PAPPA: variants seen among roughly 807,000 people sequenced by gnomAD.
The protein encoded by PAPPA is pappalysin-1.
A neutral mutation model predicts 164.0 loss-of-function variants in PAPPA; 60 were observed. The ratio of observed to expected loss-of-function variants is 0.37; its 90% CI spans 0.30 to 0.45. PAPPA has a LOEUF of 0.45. Among genes scored for constraint, PAPPA ranks in the 20% least tolerant of loss-of-function variants. The pLI, the probability that PAPPA is intolerant of heterozygous loss-of-function variation, is 1.00. For synonymous variants in PAPPA, 875 were observed against 814.1 expected (o/e 1.07, Z -1.27); for missense variants, 1,782 against 2,087.3 (o/e 0.85, Z 2.85).
chr9:116,188,743 G>T (rs920605707), intron 2 of PAPPA, among the ~76,000 whole-genome samples: 1 of 152,130 alleles, frequency 6.6e-6, no homozygotes. Flanking sequence ...TGGTGGACAG[G>T]CTCAAAGAGG....
intron 1 of PAPPA, among the ~76,000 whole-genome samples, chr9:116,164,154 G>T (rs1020602731): frequency 6.6e-6 from 1 of 152,128 alleles, no homozygotes; most frequent in Non-Finnish European, 1.5e-5. Context: ...ATTTTAATCA[G>T]ATAACTCAGT....
At chr9:116,194,708 A>G (rs779130590) in intron 2 of PAPPA, among the ~76,000 whole-genome samples, 8 of 152,142 alleles carry the variant, frequency 5.3e-5, no homozygotes, top group Non-Finnish European at 1.0e-4. Flanking sequence ...GACACCTGGT[A>G]TGGTACAGTG....
chr9:116,322,937 G>A (rs566378929), intron 10 of PAPPA, among the ~76,000 whole-genome samples: 27 of 152,224 alleles, frequency 1.8e-4, no homozygotes, highest in African/African-American at 6.0e-4. Context: ...GGTGGAAAAA[G>A]GAAATTGGAG....
At position 116,392,517 on chromosome 9, in the gene PAPPA, A is replaced by G. The variant is rs141817548; in HGVS notation, c.4777-3992A>G. ...ATGTGGAAGGCCCTTTGGAATCACTAGTGTGTGTACAATGGTATTCACCGC... is the reference window on the plus strand; with the variant it reads ...ATGTGGAAGGCCCTTTGGAATCACTGGTGTGTGTACAATGGTATTCACCGC... On this transcript the variant is annotated intron_variant, in intron 21 of 21. Transcript: ENST00000328252. Among the ~76,000 whole-genome samples, 336 of 152,072 alleles carry G rather than the reference A, an allele frequency of 2.2e-3. 2 individuals carry two copies. Among genetic ancestry groups the G allele is most frequent in the African/African-American group, 7.6e-3 (316 of 41,592 alleles).
intron 7 of PAPPA, among the ~76,000 whole-genome samples, chr9:116,260,542 C>G (rs758953468): frequency 6.6e-6 from 1 of 152,168 alleles, no homozygotes; most frequent in Non-Finnish European, 1.5e-5. Context: ...GTGGTCCCAT[C>G]TTACATCTTC....
At chr9:116,323,156 A>G (rs886277380) in intron 10 of PAPPA, among the ~76,000 whole-genome samples, 1 of 152,142 alleles carries the variant, frequency 6.6e-6, no homozygotes, top group Non-Finnish European at 1.5e-5. Flanking sequence ...ATTTAAAAAA[A>G]CCCTTTGAAA....
At position 116,345,454 on chromosome 9, in the gene PAPPA, C is replaced by G. The variant is rs911205861; in HGVS notation, c.3780+743C>G. On this transcript the variant is annotated intron_variant, in intron 14 of 21. Transcript: ENST00000328252. ...TTGATGAGAAAAAAAAAAAAAAAAA[C>G]ATGCCACAGATTTTTTTGTTTGTTT... Among the ~76,000 whole-genome samples the G allele has an allele frequency of 8.2e-4, 113 of 137,022 alleles. 1 individual carries two copies. Among genetic ancestry groups the G allele is most frequent in the African/African-American group, 3.0e-3 (109 of 36,672 alleles). 89.9% of individuals were successfully genotyped at this position (137,022 alleles called of 152,430 possible).
intron 13 of PAPPA, among the ~76,000 whole-genome samples, chr9:116,342,814 G>A (rs1189409166): frequency 6.6e-6 from 1 of 152,146 alleles, no homozygotes; most frequent in Non-Finnish European, 1.5e-5. Flanking sequence ...GTTGGGGGTA[G>A]ACACAGTCAG....
chr9:116,377,690 C>T (rs755802995), intron 20 of PAPPA, 43 bp downstream of exon 20: 4 of 1,379,152 alleles, frequency 2.9e-6, no homozygotes, highest in African/African-American at 2.8e-5. Context: ...TGGAAATAAT[C>T]CTGCTGTTGT....
In PAPPA at chr9:116,218,508, C is replaced by T. The variant is rs977324034; in HGVS notation, c.1919-1429C>T. ...AATTAAGCCAAAACAGTGCATTGCC[C>T]TGTCCCTAGGGCAGTTGAATAAAAC... On this transcript the variant is annotated intron_variant, in intron 4 of 21. Coordinates refer to ENST00000328252, the MANE Select transcript of PAPPA (RefSeq NM_002581.5). Among the ~76,000 whole-genome samples the T allele has an allele frequency of 8.5e-5, 13 of 152,218 alleles. No homozygotes were observed. The East Asian group carries it at 2.5e-3, about 30-fold the overall frequency.
chr9:116,302,629 G>T, intron 9 of PAPPA, 128 bp from the exon 10 acceptor site: 1 of 642,118 alleles, frequency 1.6e-6, no homozygotes. Flanking sequence ...ATAGTCCATC[G>T]TGACTAATGT....
intron 3 of PAPPA, among the ~76,000 whole-genome samples, chr9:116,208,378 T>C (rs1418099248): frequency 6.6e-6 from 1 of 152,224 alleles, no homozygotes; most frequent in African/African-American, 2.4e-5. Flanking sequence ...TCTACTTTTT[T>C]TTCCATGTCG....
chr9:116,261,152 A>G (rs1164819488), intron 7 of PAPPA, among the ~76,000 whole-genome samples: 2 of 152,238 alleles, frequency 1.3e-5, no homozygotes, highest in Non-Finnish European at 2.9e-5. Context: ...GACTGTAAAT[A>G]CAAAATATGA....
At chr9:116,373,959 G>A (rs1011374926) in intron 19 of PAPPA, among the ~76,000 whole-genome samples, 1 of 152,074 alleles carries the variant, frequency 6.6e-6, no homozygotes, top group African/African-American at 2.4e-5. Flanking sequence ...TCTGAGCCCA[G>A]GGCTTAGAGC....
At chr9:116,324,900 C>G (rs1845902840) in intron 10 of PAPPA, among the ~76,000 whole-genome samples, 1 of 152,194 alleles carries the variant, frequency 6.6e-6, no homozygotes, top group Non-Finnish European at 1.5e-5. Flanking sequence ...CTGAAACCAG[C>G]TCCTGAAAAC....
intron 7 of PAPPA, among the ~76,000 whole-genome samples, chr9:116,244,370 C>A (rs1252585609): frequency 2.6e-5 from 4 of 152,118 alleles, no homozygotes; most frequent in Non-Finnish European, 5.9e-5. Flanking sequence ...AAAAATTGAA[C>A]CGATAGTTCC....
At chr9:116,233,609 C>A (rs1380758206) in intron 6 of PAPPA, among the ~76,000 whole-genome samples, 4 of 152,144 alleles carry the variant, frequency 2.6e-5, no homozygotes, top group African/African-American at 9.7e-5. Flanking sequence ...TGTGTATTTT[C>A]TCACCCCTCC....
At chr9:116,156,204 G>A (rs1466028542) in intron 1 of PAPPA, among the ~76,000 whole-genome samples, 1 of 150,672 alleles carries the variant, frequency 6.6e-6, no homozygotes, top group East Asian at 1.9e-4. Context: ...GGAGAGCACA[G>A]GGTTATGCAG....
intron 1 of PAPPA, among the ~76,000 whole-genome samples, chr9:116,165,309 A>G (rs1022705961): frequency 6.6e-6 from 1 of 152,204 alleles, no homozygotes; most frequent in Non-Finnish European, 1.5e-5. Context: ...CCACCTGTCT[A>G]CTGGAAATGT....
Sources: gnomAD v4.1 joint callset for allele counts (sites outside exome capture counted in the v4.1 genomes callset) on GRCh38, gnomAD v4.1.1 for gene constraint, MANE v1.5 for transcripts, NCBI Gene and HGNC (gene_info 2026-07-23, HGNC 2026-07-21) for gene names.